The following MACF1 variants were observed in gnomAD, a reference collection of about 807,000 sequenced individuals.
MACF1 encodes the protein microtubule actin crosslinking factor 1, also known as microtubule-actin cross-linking factor 1.
MACF1 carries 193 observed loss-of-function variants against 854.8 expected under a neutral mutation model. That is an observed-to-expected ratio of 0.23 (90% CI 0.20 to 0.25). The LOEUF is 0.25. MACF1 is among the 10% of genes least tolerant of loss of function. The pLI is 1.00. For synonymous variants in MACF1, 3,185 were observed against 3,226.7 expected (o/e 0.99, Z 0.44); for missense variants, 7,722 against 8,929.1 (o/e 0.86, Z 5.45).
intron 23 of MACF1, among the ~76,000 whole-genome samples, chr1:39,307,870 T>G: frequency 6.7e-6 from 1 of 148,478 alleles, no homozygotes; most frequent in South Asian, 2.1e-4. Context: ...CCTTGCCCAG[T>G]CTGGATTATT....
intron 4 of MACF1, among the ~76,000 whole-genome samples, chr1:39,252,643 C>T (rs1645053833): frequency 6.6e-6 from 1 of 152,184 alleles, no homozygotes; most frequent in African/African-American, 2.4e-5. Context: ...CTCTTAAAAT[C>T]ATTTTAAAAA....
chr1:39,426,451 G>A (rs1375729733), intron 61 of MACF1, among the ~76,000 whole-genome samples: 2 of 152,136 alleles, frequency 1.3e-5, no homozygotes, highest in African/African-American at 4.8e-5. Context: ...ATCTTAGTCT[G>A]TTTTTAGTAA....
At chr1:39,204,012 G>A (rs1484306187), upstream of MACF1, among the ~76,000 whole-genome samples, 4 of 152,220 alleles carry the variant, frequency 2.6e-5, no homozygotes, top group Non-Finnish European at 1.5e-5. Context: ...AGTGGCACAT[G>A]CCTGTAATCC....
chr1:39,203,218 A>C (rs1466777201), upstream of MACF1, among the ~76,000 whole-genome samples: 1 of 152,180 alleles, frequency 6.6e-6, no homozygotes, highest in African/African-American at 2.4e-5. Context: ...GAAGTAAGTA[A>C]ACAGGGTCTC....
intron 2 of MACF1, among the ~76,000 whole-genome samples, chr1:39,149,139 G>A (rs1239632000): frequency 6.6e-6 from 1 of 152,188 alleles, no homozygotes; most frequent in East Asian, 1.9e-4. Context: ...AGTGACTCTT[G>A]AATACAGAAG....
rs1251309818 is a variant in MACF1 at position 39,379,326 on chromosome 1, A to G, written c.13400A>G (p.Lys4467Arg). ...AILNRMEEVH[K>R]EANSVLQWLE... ...CTCAACAGAATGGAGGAGGTTCACA[A>G]GGAGGCAAACTCTGTGCTGCAGTGG... The change falls in exon 54 of 101, where the codon AAG (lysine) becomes AGG (arginine). Residue 4467 changes from lysine to arginine, a missense_variant. Physicochemically the swap from Lys to Arg is conservative, Grantham distance 26 (BLOSUM62 2). This residue lies in a region of MACF1 where 2,807 missense variants were observed against 3,235.8 expected (regional missense o/e 0.87). Coordinates refer to ENST00000564288, the MANE Select transcript of MACF1 (RefSeq NM_001394062.1). 2 of 1,614,158 alleles carry G rather than the reference A, an allele frequency of 1.2e-6. No homozygotes were observed. The highest frequency in any genetic ancestry group is 2.2e-5 in the South Asian group (2 of 91,084).
At chr1:39,288,255 T>G (rs1375199890) in intron 15 of MACF1, among the ~76,000 whole-genome samples, 2 of 152,120 alleles carry the variant, frequency 1.3e-5, no homozygotes, top group Non-Finnish European at 2.9e-5. Context: ...TCCCAGCACT[T>G]TGGGAGGCCT....
chr1:39,269,847 G>C, intron 6 of MACF1: 1 of 677,578 alleles, frequency 1.5e-6, no homozygotes, highest in Non-Finnish European at 2.1e-6. Context: ...ATGTGGGTTA[G>C]TATCTGCTGG....
intron 2 of MACF1, among the ~76,000 whole-genome samples, chr1:39,240,217 T>C (rs1311498599): frequency 6.6e-6 from 1 of 152,248 alleles, no homozygotes; most frequent in Non-Finnish European, 1.5e-5. Flanking sequence ...TTCATGTCTA[T>C]GGGAAATACC....
intron 2 of MACF1, among the ~76,000 whole-genome samples, chr1:39,245,965 C>T (rs572608201): frequency 1.3e-5 from 2 of 152,300 alleles, no homozygotes; most frequent in Admixed American, 6.5e-5. Flanking sequence ...CACAAAAGCA[C>T]TCTTACTTAT....
chr1:39,084,419 T>C lies in MACF1; in HGVS notation c.201T>C (p.Arg67=). The change falls in exon 2 of 94, where the codon CGT becomes CGC. Residue 67 remains arginine (R), a synonymous_variant. Coordinates refer to the MACF1 transcript ENST00000361689. This position sits in a 1 kb window ranked among gnomAD's most constrained non-coding sequence, Gnocchi z 5.2. ...ATTCGGTGCTGGACCCTGCAGAGCG[T>C]GCTGTGGTCAGAGTCGCTGGTAAGA... 1 of 1,610,728 alleles carries C rather than the reference T, an allele frequency of 6.2e-7. No homozygotes were observed. Among genetic ancestry groups the C allele is most frequent in the Non-Finnish European group, 8.5e-7 (1 of 1,179,928 alleles).
chr1:39,151,451 G>C (rs768056362), intron 2 of MACF1, among the ~76,000 whole-genome samples: 67 of 152,106 alleles, frequency 4.4e-4, no homozygotes, highest in Non-Finnish European at 7.8e-4. Flanking sequence ...ATTGTCTTTG[G>C]GGTGAATCTG....
At position 39,335,498 on chromosome 1, in the gene MACF1, G is replaced by T. The variant is rs941805467; in HGVS notation, c.8910G>T (p.Arg2970=). The T allele has an allele frequency of 2.5e-6, 4 of 1,614,130 alleles. 1 individual carries two copies. The Middle Eastern group carries it at 6.6e-4, about 266-fold the overall frequency. Residue 2970 remains arginine, a synonymous_variant, in exon 37 of 101, where the codon CGG becomes CGT. Coordinates refer to ENST00000564288, the MANE Select transcript of MACF1 (RefSeq NM_001394062.1). ...TTTTGCAGCAACCAATGAATGCTCG[G>T]GTGAAAAGTAAGAGAGAGAAGAGGG... ...EQVLQQPMNA[R]VKSKREKREV...
intron 1 of MACF1, among the ~76,000 whole-genome samples, chr1:39,212,466 G>C (rs929679035): frequency 2.0e-5 from 3 of 152,046 alleles, no homozygotes; most frequent in Non-Finnish European, 4.4e-5. Flanking sequence ...TTGAGTGCCA[G>C]GGAATTTAGG....
At position 39,293,606 on chromosome 1, in the gene MACF1, G is replaced by C. The variant is rs1254922739; in HGVS notation, c.2141G>C (p.Arg714Thr). The C allele has an allele frequency of 6.2e-7, 1 of 1,613,102 alleles. No homozygotes were observed. Among genetic ancestry groups the C allele is most frequent in the Non-Finnish European group, 8.5e-7 (1 of 1,179,414 alleles). Residue 714 changes from arginine to threonine, a missense_variant, in exon 18 of 101, where the codon AGA becomes ACA. Arg to Thr is a moderately conservative substitution (Grantham distance 71, BLOSUM62 -1). Around this residue, in one of 15 missense-constraint regions of MACF1, gnomAD observed 1,137 missense variants for 1,263.0 expected, o/e 0.90. Coordinates refer to ENST00000564288, the MANE Select transcript of MACF1 (RefSeq NM_001394062.1). ...AACAATTCCAATATCTCAGCCAAGA[G>C]AAATTACTTCTCTGTGAGTCTAGCA... ...SDNNSNISAK[R>T]NYFSELTMEL... is the part of the protein sequence containing the mutation.
intron 97 of MACF1, among the ~76,000 whole-genome samples, chr1:39,470,852 G>A (rs956215089): frequency 2.0e-5 from 3 of 152,114 alleles, no homozygotes; most frequent in Admixed American, 6.5e-5. Flanking sequence ...GATATTGCAT[G>A]TGGCATTTTG....
At chr1:39,309,923 A>T (rs1340358415) in intron 24 of MACF1, among the ~76,000 whole-genome samples, 1 of 152,234 alleles carries the variant, frequency 6.6e-6, no homozygotes, top group Non-Finnish European at 1.5e-5. Flanking sequence ...CTTCTTGGCA[A>T]GGGTAGAAGG....
At chr1:39,325,636 C>T (rs1044570838) in intron 35 of MACF1, among the ~76,000 whole-genome samples, 1 of 152,142 alleles carries the variant, frequency 6.6e-6, no homozygotes, top group Non-Finnish European at 1.5e-5. Flanking sequence ...GAGGAGGAAA[C>T]TCATTGATAG....
intron 80 of MACF1, among the ~76,000 whole-genome samples, chr1:39,446,391 A>G (rs988952020): frequency 6.6e-6 from 1 of 151,874 alleles, no homozygotes; most frequent in Non-Finnish European, 1.5e-5. Context: ...AACTTGTAAT[A>G]TATTAATTTC....
Sources: allele counts gnomAD v4.1 joint callset (sites outside exome capture counted in the v4.1 genomes callset), GRCh38; gene constraint gnomAD v4.1.1; regional missense constraint gnomAD v4.1.1; non-coding constraint Gnocchi (gnomAD v3.1); transcripts MANE v1.5; gene names NCBI Gene and HGNC (gene_info 2026-07-23, HGNC 2026-07-21).